The following CSMD2 variants were observed in gnomAD, a reference collection of about 807,000 sequenced individuals.
CSMD2 encodes the protein CUB and sushi domain-containing protein 2.
A neutral mutation model predicts 398.5 loss-of-function variants in CSMD2; 130 were observed. The observed-to-expected ratio is 0.33, with a 90% CI of 0.28 to 0.38. CSMD2 has a LOEUF of 0.38. Among genes scored for constraint, CSMD2 ranks in the 10% least tolerant of loss-of-function variants. The probability of loss-of-function intolerance (pLI) is 1.00; values close to 1 mark genes in which losing one functional copy is unlikely to be tolerated. For synonymous variants in CSMD2, 1,828 were observed against 1,908.5 expected, an observed-to-expected ratio of 0.96 and a Z score of 1.10; for missense variants, 3,829 against 4,764.9, an observed-to-expected ratio of 0.80 and a Z score of 5.78.
intron 2 of CSMD2, among the ~76,000 whole-genome samples, chr1:34,065,201 C>CAGACAGCTTGAAACAGACTT (rs1489441128): frequency 4.6e-5 from 7 of 152,168 alleles, no homozygotes; most frequent in African/African-American, 1.7e-4. Flanking sequence ...GAGTGTCTTA[C>CAGACAGCTTGAAACAGACTT]AGACAGCTTG....
At chr1:33,628,810 T>C (rs1227616070) in intron 32 of CSMD2, among the ~76,000 whole-genome samples, 2 of 152,022 alleles carry the variant, frequency 1.3e-5, no homozygotes, top group Non-Finnish European at 2.9e-5. Context: ...GGCTTTTTAA[T>C]TAACAACAAC....
chr1:34,044,280 A>G (rs1652223489), intron 2 of CSMD2, among the ~76,000 whole-genome samples: 1 of 152,250 alleles, frequency 6.6e-6, no homozygotes, highest in Non-Finnish European at 1.5e-5. Flanking sequence ...GCTGGGTTAA[A>G]TAAAGCAGGG....
rs559651592 is a variant in CSMD2, at chr1:34,121,942, A to G, written c.188-32749T>C. Among the ~76,000 whole-genome samples, 5 of 151,386 alleles carry G rather than the reference A, an allele frequency of 3.3e-5. No individual in the cohort carries two copies. The South Asian group carries it at 1.0e-3, about 32-fold the overall frequency. On this transcript the variant is annotated intron_variant, in intron 1 of 70. Coordinates refer to ENST00000373381, the MANE Select transcript of CSMD2 (RefSeq NM_001281956.2). ...GAACACAGGCACGCCTTGATCTTGGATATACAATAGGGTTAGTTAACACTC... is the reference window on the plus strand; with the variant it reads ...GAACACAGGCACGCCTTGATCTTGGGTATACAATAGGGTTAGTTAACACTC...
intron 62 of CSMD2, 34 bp downstream of exon 62, chr1:33,536,988 T>C: frequency 3.1e-6 from 5 of 1,598,892 alleles, no homozygotes; most frequent in Non-Finnish European, 4.3e-6. Flanking sequence ...AGGGATAGGA[T>C]GTAGGAAGAC....
chr1:33,761,984 AAGATTGCTCTTGTAC>A (rs1649871153), intron 13 of CSMD2, among the ~76,000 whole-genome samples: 1 of 152,112 alleles, frequency 6.6e-6, no homozygotes, highest in South Asian at 2.1e-4. Context: ...AGTCACCCAA[AAGATTGCTCTTGTAC>A]ATAAGGCCTA....
chr1:33,903,276 A>G (rs1642871401), intron 5 of CSMD2, among the ~76,000 whole-genome samples: 1 of 152,016 alleles, frequency 6.6e-6, no homozygotes, highest in South Asian at 2.1e-4. Context: ...AAAACAAACA[A>G]CTGAGAGAGA....
rs1359613355 is a variant in CSMD2 at position 34,094,174 on chromosome 1, G to A, written c.188-4981C>T. On this transcript the variant is annotated intron_variant, in intron 1 of 70. Transcript: ENST00000373381. ...AGCCAAACTAAGCTTCATAAGTGAA[G>A]GAGAAATAAAATACTTTACAGACAA... is the stretch of plus-strand genomic sequence containing the variant. Among the ~76,000 whole-genome samples the A allele has an allele frequency of 1.3e-4, 20 of 151,618 alleles. No individual in the cohort carries two copies. In the South Asian group the frequency reaches 4.0e-3, roughly 30 times the overall value.
chr1:33,809,964 CTGTAA>C (rs1251003018), intron 10 of CSMD2, among the ~76,000 whole-genome samples: 1 of 151,840 alleles, frequency 6.6e-6, no homozygotes, highest in African/African-American at 2.4e-5. Context: ...TACATAAGAT[CTGTAA>C]TGGAAAAAAT....
At chr1:33,689,981 T>G (rs1464474907) in intron 25 of CSMD2, among the ~76,000 whole-genome samples, 2 of 152,162 alleles carry the variant, frequency 1.3e-5, no homozygotes, top group Admixed American at 6.5e-5. Flanking sequence ...AATTTTCTCT[T>G]CTTCTCCATC....
In CSMD2 at chr1:33,775,962, G is replaced by C. The variant is rs142595388; in HGVS notation, c.1664-3211C>G. Among the ~76,000 whole-genome samples the C allele has an allele frequency of 2.6e-5, 4 of 152,266 alleles. No homozygotes were observed. In the East Asian group the frequency reaches 7.7e-4, roughly 29 times the overall value. Reference sequence around the variant, plus strand: ...TGAATGCTGCAGGGAAGTTTACATAGGATTGAAAAACAGGTTAGCAAAAAG... The same window carrying C: ...TGAATGCTGCAGGGAAGTTTACATACGATTGAAAAACAGGTTAGCAAAAAG... On this transcript the variant is annotated intron_variant, in intron 12 of 70. Coordinates refer to ENST00000373381, the MANE Select transcript of CSMD2 (RefSeq NM_001281956.2).
At chr1:33,571,445 TC>T (rs950360128) in intron 51 of CSMD2, 86 bp downstream of exon 51, 35 of 1,070,812 alleles carry the variant, frequency 3.3e-5, no homozygotes, top group Non-Finnish European at 4.3e-5. Flanking sequence ...TACCCCTTTT[TC>T]CCCCACCCCA....
intron 5 of CSMD2, among the ~76,000 whole-genome samples, chr1:33,888,498 T>A (rs1353379332): frequency 7.2e-5 from 11 of 152,200 alleles, no homozygotes; most frequent in Non-Finnish European, 1.5e-5. Flanking sequence ...ATGAAAGGAC[T>A]ATTTCAAATC....
intron 25 of CSMD2, among the ~76,000 whole-genome samples, chr1:33,671,187 TC>T (rs1461965610): frequency 1.3e-5 from 2 of 152,070 alleles, no homozygotes; most frequent in African/African-American, 4.8e-5. Context: ...GAATTCATGG[TC>T]CCCATTCTCC....
chr1:33,728,053 G>A (rs1646597860), intron 15 of CSMD2, among the ~76,000 whole-genome samples: 2 of 152,154 alleles, frequency 1.3e-5, no homozygotes, highest in Admixed American at 6.5e-5. Flanking sequence ...TGAGGCTTAC[G>A]GAGGTTGAGT....
chr1:33,689,170 G>C (rs1404918183), intron 25 of CSMD2, among the ~76,000 whole-genome samples: 1 of 152,068 alleles, frequency 6.6e-6, no homozygotes, highest in East Asian at 1.9e-4. Flanking sequence ...CATAAATACA[G>C]CTGTACGTGT....
At chr1:33,972,983 G>A (rs1038167939) in intron 3 of CSMD2, among the ~76,000 whole-genome samples, 9 of 152,174 alleles carry the variant, frequency 5.9e-5, no homozygotes, top group Non-Finnish European at 8.8e-5. Flanking sequence ...ACTGAGAGAC[G>A]GCTGAGGTTC....
At chr1:33,770,052 G>A (rs1032289940) in intron 13 of CSMD2, among the ~76,000 whole-genome samples, 6 of 152,180 alleles carry the variant, frequency 3.9e-5, no homozygotes, top group Admixed American at 2.6e-4. Context: ...GAACTCCAAA[G>A]TTTAACATTG....
At chr1:34,131,945 G>A (rs953962969) in intron 1 of CSMD2, among the ~76,000 whole-genome samples, 3 of 152,062 alleles carry the variant, frequency 2.0e-5, no homozygotes, top group Admixed American at 2.0e-4. Flanking sequence ...GGGGCCAGGG[G>A]CATCCAAATT....
intron 44 of CSMD2, among the ~76,000 whole-genome samples, chr1:33,590,591 C>G (rs1009948178): frequency 1.0e-4 from 9 of 90,204 alleles, no homozygotes; most frequent in African/African-American, 3.2e-4. Context: ...CTCCCTATTT[C>G]CCATCACACA....
Sources: allele counts gnomAD v4.1 joint callset (sites outside exome capture counted in the v4.1 genomes callset), GRCh38; gene constraint gnomAD v4.1.1; transcripts MANE v1.5; gene names NCBI Gene and HGNC (gene_info 2026-07-23, HGNC 2026-07-21).